The following CSMD3 variants were observed in gnomAD, a reference collection of about 807,000 sequenced individuals.
CSMD3 encodes CUB and Sushi multiple domains 3.
CSMD3 carries 177 observed loss-of-function variants against 435.2 expected under a neutral mutation model. That is an observed-to-expected ratio of 0.41 (90% CI 0.36 to 0.46). The LOEUF (loss-of-function observed/expected upper bound fraction) is 0.46, where lower values mean the gene tolerates loss of function less well. CSMD3 is among the 20% of genes least tolerant of loss of function. CSMD3 has a pLI of 0.34. For synonymous variants in CSMD3, 1,656 were observed against 1,520.5 expected (o/e 1.09, Z -2.07); for missense variants, 4,265 against 4,504.6 (o/e 0.95, Z 1.52).
At chr8:112,455,989 T>G (rs1816800649) in intron 32 of CSMD3, among the ~76,000 whole-genome samples, 1 of 152,068 alleles carries the variant, frequency 6.6e-6, no homozygotes, top group Non-Finnish European at 1.5e-5. Flanking sequence ...AATGGTCTAG[T>G]TTTATTCATA....
intron 3 of CSMD3, among the ~76,000 whole-genome samples, chr8:113,225,591 G>GACTAAACTTAT (rs2093017745): frequency 6.6e-6 from 1 of 151,332 alleles, no homozygotes; most frequent in African/African-American, 2.4e-5. Flanking sequence ...TTTACTTATT[G>GACTAAACTTAT]GTACACTGAC....
chr8:112,333,751 TA>T (rs918150506), intron 45 of CSMD3, among the ~76,000 whole-genome samples: 3 of 152,080 alleles, frequency 2.0e-5, no homozygotes, highest in African/African-American at 7.2e-5. Context: ...CCTAAATTTA[TA>T]AAAATTTTAT....
At chr8:113,215,747 C>T (rs897022573) in intron 3 of CSMD3, among the ~76,000 whole-genome samples, 1 of 151,788 alleles carries the variant, frequency 6.6e-6, no homozygotes, top group African/African-American at 2.4e-5. Context: ...CTGTATTACA[C>T]ATTTTTGTGG....
intron 2 of CSMD3, among the ~76,000 whole-genome samples, chr8:113,301,205 C>A (rs988055386): frequency 6.6e-6 from 1 of 152,010 alleles, no homozygotes; most frequent in Non-Finnish European, 1.5e-5. Context: ...AAAATGTGAG[C>A]AGCATCCTTG....
At chr8:112,258,824 C>A (rs1337195204) in intron 61 of CSMD3, among the ~76,000 whole-genome samples, 1 of 151,968 alleles carries the variant, frequency 6.6e-6, no homozygotes, top group Non-Finnish European at 1.5e-5. Context: ...CGGATCACAA[C>A]GTCAGGAGAT....
chr8:112,490,730 GAA>G (rs1820606991), intron 31 of CSMD3, among the ~76,000 whole-genome samples: 14 of 151,916 alleles, frequency 9.2e-5, no homozygotes, highest in Admixed American at 9.2e-4. Flanking sequence ...AGTAAAATTT[GAA>G]AAGTTATTTT....
At chr8:113,310,670 T>C (rs1351045013) in intron 2 of CSMD3, 1 of 151,860 alleles carries the variant, frequency 6.6e-6, no homozygotes, top group East Asian at 1.9e-4. Flanking sequence ...GGTAATGAAG[T>C]ATAGTTTTCT....
chr8:112,746,677 T>G (rs548549511), intron 13 of CSMD3, among the ~76,000 whole-genome samples: 5 of 152,120 alleles, frequency 3.3e-5, no homozygotes, highest in Admixed American at 2.0e-4. Flanking sequence ...ATTATTACAT[T>G]TGTATATTTT....
At chr8:112,487,860 G>A (rs886521551) in intron 31 of CSMD3, among the ~76,000 whole-genome samples, 3 of 152,106 alleles carry the variant, frequency 2.0e-5, no homozygotes, top group African/African-American at 7.2e-5. Context: ...TTATGGATAA[G>A]AATGATATAT....
chr8:112,552,431 A>T (rs1017462505), intron 26 of CSMD3, among the ~76,000 whole-genome samples, 163 bp downstream of exon 26: 1 of 152,136 alleles, frequency 6.6e-6, no homozygotes, highest in African/African-American at 2.4e-5. Flanking sequence ...GGTTGCAGTG[A>T]GCCGAGATCG....
At chr8:112,997,031 A>G (rs1257026073) in intron 6 of CSMD3, among the ~76,000 whole-genome samples, 2 of 151,540 alleles carry the variant, frequency 1.3e-5, no homozygotes, top group East Asian at 3.9e-4. Context: ...GGTACTGATT[A>G]GTGTCTATGA....
intron 4 of CSMD3, among the ~76,000 whole-genome samples, chr8:113,144,168 A>G (rs926955809): frequency 6.6e-6 from 1 of 151,194 alleles, no homozygotes; most frequent in South Asian, 2.1e-4. Context: ...TTAAAGCAAA[A>G]TAATACATTT....
chr8:112,443,835 A>G (rs1815305709), intron 32 of CSMD3, among the ~76,000 whole-genome samples: 1 of 152,044 alleles, frequency 6.6e-6, no homozygotes, highest in African/African-American at 2.4e-5. Context: ...AATTTAATTT[A>G]TTATTAATGA....
At chr8:112,906,703 C>T (rs2082273472) in intron 10 of CSMD3, among the ~76,000 whole-genome samples, 1 of 151,448 alleles carries the variant, frequency 6.6e-6, no homozygotes, top group South Asian at 2.1e-4. Flanking sequence ...TATCATCTCC[C>T]AAGGTTTCAG....
intron 4 of CSMD3, among the ~76,000 whole-genome samples, chr8:113,153,176 A>G (rs1904808): frequency 0.33 from 45,571 of 138,154 alleles, 8,524 homozygotes; most frequent in East Asian, 0.69. Flanking sequence ...GGAAGGAAAG[A>G]AGGAAGGGAG....
intron 18 of CSMD3, among the ~76,000 whole-genome samples, chr8:112,654,540 C>G (rs2075209481): frequency 6.6e-6 from 1 of 152,154 alleles, no homozygotes; most frequent in South Asian, 2.1e-4. Flanking sequence ...CACTAGCCCT[C>G]GAAAATAACT....
chr8:112,405,211 CCCCATATATATATATATAT>C lies in CSMD3; in HGVS notation c.5809+1294_5809+1312del, dbSNP rs1336345737. Among the ~76,000 whole-genome samples the C allele has an allele frequency of 7.2e-4, 13 of 18,114 alleles. 2 individuals carry two copies. The highest frequency in any genetic ancestry group is 4.3e-3 in the African/African-American group (13 of 3,040). 11.9% of individuals were successfully genotyped at this position (18,114 alleles called of 152,430 possible). A position where few individuals can be genotyped will look rare whatever the true frequency, so the allele number is the denominator to read the frequency against. On this transcript the variant is annotated intron_variant, in intron 35 of 70. Transcript: ENST00000297405. ...AAAAAAAAAAAAAAAAAAAAAAAAC[CCCCATATATATATATATAT>C]ATATATATATATATATACATATATA...
chr8:112,236,944 T>C (rs533179153), intron 67 of CSMD3, among the ~76,000 whole-genome samples: 1 of 152,264 alleles, frequency 6.6e-6, no homozygotes, highest in South Asian at 2.1e-4. Flanking sequence ...ATATATGACA[T>C]CTAATTCTAG....
At chr8:113,380,055 C>A (rs1395152918) in intron 1 of CSMD3, among the ~76,000 whole-genome samples, 1 of 152,152 alleles carries the variant, frequency 6.6e-6, no homozygotes, top group East Asian at 1.9e-4. Context: ...AACTTGCCCC[C>A]ATTTGCATAT....
Sources: allele counts gnomAD v4.1 joint callset (sites outside exome capture counted in the v4.1 genomes callset), GRCh38; gene constraint gnomAD v4.1.1; transcripts MANE v1.5; gene names NCBI Gene and HGNC (gene_info 2026-07-23, HGNC 2026-07-21).